RAD51AP2: variants seen among roughly 807,000 people sequenced by gnomAD.
RAD51AP2 encodes the protein RAD51 associated protein 2.
Under a neutral mutation model 85.5 loss-of-function variants are expected in RAD51AP2, and 67 were observed. The observed-to-expected ratio is 0.78, with a 90% confidence interval of 0.64 to 0.96. The LOEUF (loss-of-function observed/expected upper bound fraction) is 0.96. RAD51AP2 is among the 40% of genes least tolerant of loss of function. RAD51AP2 has a pLI of 0.00. For missense variants in RAD51AP2, 1,307 were observed against 1,332.4 expected, an observed-to-expected ratio of 0.98 and a Z score of 0.30; for synonymous variants, 474 against 446.5, an observed-to-expected ratio of 1.06 and a Z score of -0.78.
Position 17,517,618 on chromosome 2 carries a change from T to TAA in RAD51AP2, c.796_797dup (p.Leu266PhefsTer2). ...AATAGACAGAGGACATTTTGCTATT[T>TAA]AAGTCCATTGGAAACTGAGGGACAC... On this transcript the variant is annotated frameshift_variant, in exon 1 of 3. Transcript: ENST00000399080. LOFTEE classifies it high-confidence loss of function. The TAA allele has an allele frequency of 6.2e-6, 10 of 1,614,082 alleles. No homozygotes were observed. In the South Asian group the frequency reaches 1.1e-4, roughly 18 times the overall value.
the RAD51AP2 span, among the ~76,000 whole-genome samples, chr2:17,534,463 T>C: frequency 1.3e-5 from 2 of 152,184 alleles, no homozygotes; most frequent in African/African-American, 4.8e-5. Context: ...GAATAACTAG[T>C]ATTACATTAC....
rs895136141 is a variant in RAD51AP2 at position 17,510,648 on chromosome 2, A to G, written c.*156T>C. 1.6e-5 allele frequency: 7 copies of G among 432,252 alleles called. No individual in the cohort carries two copies. Among genetic ancestry groups the G allele is most frequent in the African/African-American group, 1.0e-4 (5 of 49,026 alleles). The allele number at this position is 432,252 out of a possible 1,614,324, so 26.8% of individuals were successfully genotyped here. A position where few individuals can be genotyped will look rare whatever the true frequency, so the allele number is the denominator to read the frequency against. ...CATATAAAAATCCATAAAATATTTT[A>G]TAACTTTGAAAGGTAATACCATAAT... On this transcript the variant is annotated 3_prime_UTR_variant, in exon 3 of 3. Coordinates refer to ENST00000399080, the MANE Select transcript of RAD51AP2 (RefSeq NM_001099218.3).
chr2:17,535,568 G>A, the RAD51AP2 span, among the ~76,000 whole-genome samples: 1 of 152,160 alleles, frequency 6.6e-6, no homozygotes, highest in Non-Finnish European at 1.5e-5. Context: ...TCAGAAAATG[G>A]AATTCACGGG....
At chr2:17,528,357 G>A in the RAD51AP2 span, among the ~76,000 whole-genome samples, 2 of 152,174 alleles carry the variant, frequency 1.3e-5, no homozygotes, top group East Asian at 3.9e-4. Flanking sequence ...ATGGGTAGGC[G>A]ACAAATAATC....
the RAD51AP2 span, among the ~76,000 whole-genome samples, chr2:17,525,793 C>A: frequency 6.6e-6 from 1 of 152,008 alleles, no homozygotes; most frequent in Non-Finnish European, 1.5e-5. Context: ...ATCTGGCCTG[C>A]ACCTTGGACA....
chr2:17,520,064 T>C (rs1662823529), upstream of RAD51AP2, among the ~76,000 whole-genome samples: 1 of 152,172 alleles, frequency 6.6e-6, no homozygotes, highest in African/African-American at 2.4e-5. Context: ...CATCATTATT[T>C]AACAACTCTA....
upstream of RAD51AP2, among the ~76,000 whole-genome samples, chr2:17,519,604 G>GT (rs1432060838): frequency 2.6e-5 from 4 of 152,118 alleles, no homozygotes; most frequent in Admixed American, 1.3e-4. Flanking sequence ...CCAGTTTCAT[G>GT]TTTTTTAAAT....
At chr2:17,519,586 G>T (rs1662813025), upstream of RAD51AP2, among the ~76,000 whole-genome samples, 2 of 152,068 alleles carry the variant, frequency 1.3e-5, no homozygotes, top group Admixed American at 1.3e-4. Context: ...TAGGTAATAA[G>T]ATGTTCACCA....
At chr2:17,530,731 TA>T in the RAD51AP2 span, among the ~76,000 whole-genome samples, 1 of 152,148 alleles carries the variant, frequency 6.6e-6, no homozygotes, top group Non-Finnish European at 1.5e-5. Flanking sequence ...TCCATTCTCT[TA>T]GATTGATAGA....
At chr2:17,518,568 C>T (rs921521507), upstream of RAD51AP2, 41 of 910,160 alleles carry the variant, frequency 4.5e-5, no homozygotes, top group Non-Finnish European at 6.4e-5. Flanking sequence ...TCCGCCCCTC[C>T]ACAGCCCCAG....
the RAD51AP2 span, among the ~76,000 whole-genome samples, chr2:17,535,096 A>G: frequency 2.6e-5 from 4 of 152,204 alleles, no homozygotes; most frequent in African/African-American, 4.8e-5. Flanking sequence ...TTAATCTTCA[A>G]AACAATTCTG....
At position 17,513,464 on chromosome 2, in the gene RAD51AP2, C is replaced by T. The variant is rs1197670069; in HGVS notation, c.3328+548G>A. ...GTGTTAGCCAGGATGGTCTTGATCTCCTGACCTCGTGATCCGCCCACCTCA... is the reference window on the plus strand; with the variant it reads ...GTGTTAGCCAGGATGGTCTTGATCTTCTGACCTCGTGATCCGCCCACCTCA... On this transcript the variant is annotated intron_variant, in intron 2 of 2. Coordinates refer to ENST00000399080, the MANE Select transcript of RAD51AP2 (RefSeq NM_001099218.3). Among the ~76,000 whole-genome samples the T allele has an allele frequency of 2.6e-5, 4 of 152,018 alleles. No homozygotes were observed. In the East Asian group the frequency reaches 5.8e-4, roughly 22 times the overall value.
chr2:17,520,479 C>G (rs1009379037), upstream of RAD51AP2, among the ~76,000 whole-genome samples: 1 of 152,118 alleles, frequency 6.6e-6, no homozygotes, highest in Non-Finnish European at 1.5e-5. Context: ...TTTACCCAAC[C>G]CTTCCTTTGA....
the RAD51AP2 span, among the ~76,000 whole-genome samples, chr2:17,534,462 G>A: frequency 1.3e-5 from 2 of 151,952 alleles, no homozygotes; most frequent in Admixed American, 1.3e-4. Context: ...TGAATAACTA[G>A]TATTACATTA....
chr2:17,515,581 G>A lies in RAD51AP2; in HGVS notation c.2835C>T (p.Asp945=). 6.2e-7 allele frequency: 1 copy of A among 1,609,902 alleles called. No homozygotes were observed. Among genetic ancestry groups the A allele is most frequent in the Non-Finnish European group, 8.5e-7 (1 of 1,178,602 alleles). ...LSEGNDECFQ[D]LAAKYLSTEA... is the part of the protein sequence containing the mutation. Reference sequence around the variant, plus strand: ...CTGTTGATAAATATTTAGCAGCTAAGTCCTGAAAACATTCATCATTCCCTT... The same window carrying A: ...CTGTTGATAAATATTTAGCAGCTAAATCCTGAAAACATTCATCATTCCCTT... The change falls in exon 1 of 3, where the codon GAC becomes GAT. Residue 945 remains aspartate, a synonymous_variant. Transcript: ENST00000399080.
At chr2:17,521,109 C>G (rs1260533392), upstream of RAD51AP2, among the ~76,000 whole-genome samples, 1 of 152,150 alleles carries the variant, frequency 6.6e-6, no homozygotes, top group Non-Finnish European at 1.5e-5. Context: ...CCCAGTGCCT[C>G]TAAGTACCTC....
In RAD51AP2 at chr2:17,515,955, G is replaced by C. The variant is rs1662649327; in HGVS notation, c.2461C>G (p.Leu821Val). 1 of 1,607,506 alleles carries C rather than the reference G, an allele frequency of 6.2e-7. No homozygotes were observed. The highest frequency in any genetic ancestry group is 1.7e-5 in the Admixed American group (1 of 58,710). Residue 821 changes from leucine to valine, a missense_variant, in exon 1 of 3, where the codon CTA becomes GTA. Coordinates refer to ENST00000399080, the MANE Select transcript of RAD51AP2 (RefSeq NM_001099218.3). ...TATTTTTTTTCTTCTATTTCACTTA[G>C]CAAGTTCCAAAAATTTAGTACTTGA... ...ITQVLNFWNL[L>V]SEIEEKKYDL...
chr2:17,513,480 G>A (rs549026069), intron 2 of RAD51AP2, among the ~76,000 whole-genome samples: 37 of 151,928 alleles, frequency 2.4e-4, no homozygotes, highest in African/African-American at 8.4e-4. Context: ...CTCGTGATCC[G>A]CCCACCTCAG....
rs777259672 is a variant in RAD51AP2, at chr2:17,510,854, G to A, written c.3430C>T (p.His1144Tyr). ...TAACACATTTGTTTCAGATAAGGAT[G>A]AAGTTGTTTAATCCTTGCTTTTCTT... Reference protein sequence around the residue: ...LSRKARIKQLHPYLKQMCYGN... With the variant: ...LSRKARIKQLYPYLKQMCYGN... The change falls in exon 3 of 3, where the codon CAT becomes TAT. Residue 1144 changes from histidine to tyrosine, a missense_variant. By Grantham distance (83) the His-to-Tyr change is moderately conservative. Transcript: ENST00000399080. 1.1e-5 allele frequency: 17 copies of A among 1,605,450 alleles called. No homozygotes were observed. In the East Asian group the frequency reaches 3.6e-4, roughly 34 times the overall value.
Sources: allele counts gnomAD v4.1 joint callset (sites outside exome capture counted in the v4.1 genomes callset), GRCh38; gene constraint gnomAD v4.1.1; transcripts MANE v1.5; gene names NCBI Gene and HGNC (gene_info 2026-07-23, HGNC 2026-07-21).